The following SPOCK1 variants were observed in gnomAD, a reference collection of about 807,000 sequenced individuals.
SPOCK1 encodes testican-1.
SPOCK1 carries 23 observed loss-of-function variants against 55.3 expected under a neutral mutation model. That is an observed-to-expected ratio of 0.42 (90% confidence interval 0.30 to 0.59). SPOCK1 has a LOEUF of 0.59. SPOCK1 is among the 20% of genes least tolerant of loss of function. SPOCK1 has a pLI of 0.22. For missense variants in SPOCK1, 499 were observed against 552.5 expected (o/e 0.90, Z 0.97); for synonymous variants, 226 against 221.0 (o/e 1.02, Z -0.20).
chr5:137,316,592 A>G (rs1757884264), intron 2 of SPOCK1, among the ~76,000 whole-genome samples: 2 of 152,184 alleles, frequency 1.3e-5, no homozygotes, highest in African/African-American at 4.8e-5. Context: ...TTTATTATTG[A>G]CAACCTGGCC....
intron 2 of SPOCK1, among the ~76,000 whole-genome samples, chr5:137,450,796 G>A (rs1753239312): frequency 6.6e-6 from 1 of 151,982 alleles, no homozygotes; most frequent in Admixed American, 6.6e-5. Context: ...CTCTGCATCT[G>A]AAAGCTGCTA....
intron 3 of SPOCK1, among the ~76,000 whole-genome samples, chr5:137,257,570 T>C (rs1316420654): frequency 6.6e-6 from 1 of 152,220 alleles, no homozygotes; most frequent in Non-Finnish European, 1.5e-5. Flanking sequence ...AATAAATTTC[T>C]ACTGTTTGTA....
At chr5:137,424,331 T>G (rs1390234615) in intron 2 of SPOCK1, among the ~76,000 whole-genome samples, 2 of 152,212 alleles carry the variant, frequency 1.3e-5, no homozygotes, top group African/African-American at 4.8e-5. Flanking sequence ...CAGCAAGTTA[T>G]GATCATGCCA....
chr5:137,171,105 A>G (rs1178823730), intron 3 of SPOCK1, among the ~76,000 whole-genome samples: 1 of 152,128 alleles, frequency 6.6e-6, no homozygotes, highest in Non-Finnish European at 1.5e-5. Flanking sequence ...TGGAACTCAA[A>G]CATAAGCAAG....
At position 136,983,501 on chromosome 5, in the gene SPOCK1, G is replaced by C. The variant is rs185837028; in HGVS notation, c.991+1639C>G. ...TGCTATCAGTTTTCAAAGAACAGTA[G>C]ATAGAAAAGAAGGAAAATGTAGATG... is the stretch of plus-strand genomic sequence containing the variant. On this transcript the variant is annotated intron_variant, in intron 9 of 10. Coordinates refer to ENST00000394945, the MANE Select transcript of SPOCK1 (RefSeq NM_004598.4). Among the ~76,000 whole-genome samples the C allele has an allele frequency of 1.1e-3, 171 of 151,950 alleles. 2 individuals carry two copies. The highest frequency in any genetic ancestry group is 3.9e-3 in the African/African-American group (163 of 41,486).
rs1750649279 is a variant in SPOCK1, at chr5:136,977,971, GCA to G, written c.*681_*682del. 3 of 398,714 alleles carry G rather than the reference GCA, an allele frequency of 7.5e-6. No individual in the cohort carries two copies. The highest frequency in any genetic ancestry group is 1.3e-5 in the Non-Finnish European group (3 of 226,010). The allele number at this position is 398,714 out of a possible 1,614,324, so 24.7% of individuals were successfully genotyped here. ...TGAGAGGTATGGGTGTGTGTGCAAG[GCA>G]CACACATACAGTCTTTCTGTACATG... On this transcript the variant is annotated 3_prime_UTR_variant, in exon 11 of 11. Coordinates refer to ENST00000394945, the MANE Select transcript of SPOCK1 (RefSeq NM_004598.4).
chr5:137,202,053 C>T (rs1199415440), intron 3 of SPOCK1, among the ~76,000 whole-genome samples: 3 of 152,200 alleles, frequency 2.0e-5, no homozygotes, highest in Admixed American at 6.5e-5. Context: ...GTGCTCAAGC[C>T]TGCTAAGGAA....
At chr5:137,458,371 T>G (rs971672418) in intron 2 of SPOCK1, among the ~76,000 whole-genome samples, 2 of 152,196 alleles carry the variant, frequency 1.3e-5, no homozygotes, top group East Asian at 1.9e-4. Context: ...TTTTCTAAAT[T>G]TTCTACAATA....
chr5:137,013,624 G>T (rs1378945106), intron 6 of SPOCK1, among the ~76,000 whole-genome samples: 1 of 152,060 alleles, frequency 6.6e-6, no homozygotes, highest in Non-Finnish European at 1.5e-5. Context: ...TCTCCCTCCA[G>T]AAATTCTCAT....
rs150510160 is a variant in SPOCK1 at position 137,397,021 on chromosome 5, A to G, written c.186+101352T>C. ...TGGTATTACTTGAAACAGGGCCCAGAGATGTTGAGCAAGTTGCCCAAGGTC... is the reference window on the plus strand; with the variant it reads ...TGGTATTACTTGAAACAGGGCCCAGGGATGTTGAGCAAGTTGCCCAAGGTC... On this transcript the variant is annotated intron_variant, in intron 2 of 10. Transcript: ENST00000394945. Among the ~76,000 whole-genome samples, 20 of 152,366 alleles carry G rather than the reference A, an allele frequency of 1.3e-4. No homozygotes were observed. In the East Asian group the frequency reaches 3.9e-3, roughly 29 times the overall value.
intron 5 of SPOCK1, among the ~76,000 whole-genome samples, chr5:137,075,001 C>A (rs980674984): frequency 6.6e-6 from 1 of 151,936 alleles, no homozygotes; most frequent in African/African-American, 2.4e-5. Flanking sequence ...CCGCGCCCGA[C>A]CTAATTTTTG....
chr5:137,447,840 C>T (rs183572130), intron 2 of SPOCK1, among the ~76,000 whole-genome samples: 2 of 152,290 alleles, frequency 1.3e-5, no homozygotes, highest in Non-Finnish European at 2.9e-5. Context: ...TCAGCAACCT[C>T]GAGGTAGGTG....
intron 6 of SPOCK1, among the ~76,000 whole-genome samples, chr5:137,014,948 G>A (rs1165287924): frequency 6.6e-6 from 1 of 152,316 alleles, no homozygotes; most frequent in East Asian, 1.9e-4. Context: ...AGCCCATTTG[G>A]AGGTGACTTC....
At chr5:137,195,154 C>A (rs1417394369) in intron 3 of SPOCK1, among the ~76,000 whole-genome samples, 2 of 152,210 alleles carry the variant, frequency 1.3e-5, no homozygotes, top group East Asian at 3.9e-4. Context: ...TTAAACCAAA[C>A]TAAATAAGCT....
At chr5:137,263,212 T>C (rs558245793) in intron 3 of SPOCK1, among the ~76,000 whole-genome samples, 67 of 152,084 alleles carry the variant, frequency 4.4e-4, no homozygotes, top group Non-Finnish European at 2.9e-4. Flanking sequence ...ATTTGGAAAA[T>C]GATAGGTTAA....
chr5:137,401,843 C>T (rs967426293), intron 2 of SPOCK1, among the ~76,000 whole-genome samples: 8 of 152,040 alleles, frequency 5.3e-5, no homozygotes, highest in African/African-American at 1.4e-4. Flanking sequence ...TACACATATG[C>T]GTGATGTGCA....
At chr5:137,103,945 GA>G (rs2127027129) in intron 5 of SPOCK1, among the ~76,000 whole-genome samples, 2 of 152,370 alleles carry the variant, frequency 1.3e-5, no homozygotes, top group South Asian at 4.1e-4. Context: ...ATCTGACACT[GA>G]GTGTTTGTCC....
At chr5:137,212,705 T>C (rs1307942325) in intron 3 of SPOCK1, among the ~76,000 whole-genome samples, 2 of 152,234 alleles carry the variant, frequency 1.3e-5, no homozygotes, top group Non-Finnish European at 2.9e-5. Flanking sequence ...ACTTAGTCCT[T>C]TCAAAATGCA....
rs141516929 is a variant in SPOCK1, at chr5:136,977,440, T to C, written c.*1214A>G. ...TTGAGTGGTTAAAAAAAAAAATCTGTACAGCTTTTGTGCCCTTATCATGAT... is the reference window on the plus strand; with the variant it reads ...TTGAGTGGTTAAAAAAAAAAATCTGCACAGCTTTTGTGCCCTTATCATGAT... On this transcript the variant is annotated 3_prime_UTR_variant, in exon 11 of 11. Coordinates refer to ENST00000394945, the MANE Select transcript of SPOCK1 (RefSeq NM_004598.4). 5.0e-4 allele frequency: 89 copies of C among 179,414 alleles called. No individual in the cohort carries two copies. Among genetic ancestry groups the C allele is most frequent in the South Asian group, 2.0e-4 (1 of 5,074 alleles). 11.1% of individuals were successfully genotyped at this position (179,414 alleles called of 1,614,324 possible). A position where few individuals can be genotyped will look rare whatever the true frequency, so the allele number is the denominator to read the frequency against.
Sources: allele counts gnomAD v4.1 joint callset (sites outside exome capture counted in the v4.1 genomes callset), GRCh38; gene constraint gnomAD v4.1.1; transcripts MANE v1.5; gene names NCBI Gene and HGNC (gene_info 2026-07-23, HGNC 2026-07-21).